ZNF610: variants seen among roughly 807,000 people sequenced by gnomAD.
The protein encoded by ZNF610 is zinc finger protein 610, also known as zink finger protein.
A neutral mutation model predicts 14.1 loss-of-function variants in ZNF610; 14 were observed. That is an observed-to-expected ratio of 0.99 (90% CI 0.65 to 1.55). The LOEUF (loss-of-function observed/expected upper bound fraction) is 1.55, where lower values mean the gene tolerates loss of function less well. ZNF610 is among the 40% of genes most tolerant of loss of function. The pLI, the probability that ZNF610 is intolerant of heterozygous loss-of-function variation, is 0.00. For missense variants in ZNF610, 530 were observed against 558.0 expected (o/e 0.95, Z 0.51); for synonymous variants, 185 against 187.6 (o/e 0.99, Z 0.11).
the ZNF610 span, among the ~76,000 whole-genome samples, chr19:52,330,941 T>C: frequency 6.6e-6 from 1 of 152,148 alleles, no homozygotes; most frequent in Non-Finnish European, 1.5e-5. Context: ...ACATGAATGA[T>C]TAAATAAATA....
chr19:52,336,932 A>G (rs548132868), intron 1 of ZNF610, among the ~76,000 whole-genome samples: 2 of 152,272 alleles, frequency 1.3e-5, no homozygotes, highest in South Asian at 2.1e-4. Context: ...TCCCCTGCCT[A>G]TGGATGTGTG....
intron 1 of ZNF610, chr19:52,345,417 T>G (rs1416209843): frequency 3.3e-5 from 5 of 152,202 alleles, no homozygotes; most frequent in African/African-American, 1.2e-4. Context: ...GAAACGAACC[T>G]AGATCGTTGC....
chr19:52,349,389 G>A (rs1022967703), intron 3 of ZNF610, among the ~76,000 whole-genome samples, 154 bp downstream of exon 3: 5 of 152,144 alleles, frequency 3.3e-5, no homozygotes, highest in Middle Eastern at 3.4e-3. Flanking sequence ...TGACATGAAT[G>A]TGGGAAGAGA....
chr19:52,342,963 T>G (rs960936765), intron 1 of ZNF610, among the ~76,000 whole-genome samples: 2 of 152,032 alleles, frequency 1.3e-5, no homozygotes, highest in African/African-American at 4.8e-5. Flanking sequence ...TCTTACAGCT[T>G]CAAACACCAC....
rs749762529 is a variant in ZNF610 at position 52,367,388 on chromosome 19, G to A, written c.*621G>A. The A allele has an allele frequency of 6.6e-6, 1 of 152,336 alleles. No individual in the cohort carries two copies. Among genetic ancestry groups the A allele is most frequent in the Non-Finnish European group, 1.5e-5 (1 of 68,138 alleles). 9.4% of individuals were successfully genotyped at this position (152,336 alleles called of 1,614,324 possible). On this transcript the variant is annotated 3_prime_UTR_variant, in exon 6 of 6. Transcript: ENST00000403906. ...GATCCACTGGCCTTGGCCTCCCAAA[G>A]TGCTGGGATTATAGGTGTGAGCCAC...
intron 1 of ZNF610, among the ~76,000 whole-genome samples, chr19:52,342,498 A>G (rs1600230175): frequency 2.0e-5 from 3 of 150,778 alleles, no homozygotes; most frequent in Non-Finnish European, 3.0e-5. Flanking sequence ...GAGATTCTTC[A>G]TAATTTAAAA....
chr19:52,336,328 A>T lies in ZNF610; in HGVS notation c.-436A>T, dbSNP rs1984375863. ...TGTTTAGATTCAATCTGGGCTTCCC[A>T]GCTCCCCCGCGCTTCTGTACCCGGG... On this transcript the variant is annotated 5_prime_UTR_variant, in exon 1 of 6. Coordinates refer to ENST00000403906, the MANE Select transcript of ZNF610 (RefSeq NM_001161425.2). 1 of 288,066 alleles carries T rather than the reference A, an allele frequency of 3.5e-6. No individual in the cohort carries two copies. The allele number at this position is 288,066 out of a possible 1,614,324, so 17.8% of individuals were successfully genotyped here.
intron 4 of ZNF610, 120 bp from the exon 5 acceptor site, chr19:52,354,131 T>C (rs1477103488): frequency 2.9e-6 from 4 of 1,377,830 alleles, no homozygotes; most frequent in Non-Finnish European, 4.0e-6. Context: ...AGCCAGTCTG[T>C]GGGTGAACTT....
intron 1 of ZNF610, among the ~76,000 whole-genome samples, chr19:52,338,991 A>G (rs1372248533): frequency 6.6e-6 from 1 of 151,708 alleles, no homozygotes; most frequent in African/African-American, 2.4e-5. Context: ...GGAGAGGGGG[A>G]TGTGGCAGGA....
In ZNF610 at chr19:52,362,857, C is replaced by T. The variant is rs2560879; in HGVS notation, c.320-2841C>T. ...CTGGAAACTGTTCCATGGGCACTTC[C>T]GAAAAATTTGTATTCTGCTGTTTTT... On this transcript the variant is annotated intron_variant, in intron 5 of 5. Coordinates refer to ENST00000403906, the MANE Select transcript of ZNF610 (RefSeq NM_001161425.2). Among the ~76,000 whole-genome samples, 657 of 152,140 alleles carry T rather than the reference C, an allele frequency of 4.3e-3. 10 individuals are homozygous for T. The East Asian group carries it at 0.067, about 16-fold the overall frequency.
intron 3 of ZNF610, among the ~76,000 whole-genome samples, chr19:52,352,249 T>G (rs1183241327): frequency 6.6e-6 from 1 of 152,114 alleles, no homozygotes; most frequent in Admixed American, 6.6e-5. Context: ...TTTTTTATTT[T>G]TTTTGAGATG....
intron 5 of ZNF610, among the ~76,000 whole-genome samples, chr19:52,361,279 A>T (rs1985762285): frequency 1.3e-5 from 2 of 149,746 alleles, no homozygotes; most frequent in African/African-American, 4.9e-5. Flanking sequence ...CCCAGGTTCC[A>T]GTGATTCTCC....
chr19:52,366,312 G>A lies in ZNF610; in HGVS notation c.934G>A (p.Gly312Arg), dbSNP rs1398579200. The part of the protein sequence containing the change: ...GLTTHLVIHT[G>R]EKPYKCNECG... The stretch of plus-strand genomic sequence containing the variant: ...TACTACCCATCTTGTAATCCATACT[G>A]GAGAGAAACCTTACAAATGTAATGA... Residue 312 changes from glycine to arginine, a missense_variant, in exon 6 of 6, where the codon GGA becomes AGA. By Grantham distance (125) the Gly-to-Arg change is moderately radical. Transcript: ENST00000403906. 1.9e-6 allele frequency: 3 copies of A among 1,613,910 alleles called. No individual in the cohort carries two copies.
chr19:52,353,753 G>A lies in ZNF610; in HGVS notation c.135G>A (p.Gln45=). 5.0e-6 allele frequency: 8 copies of A among 1,613,896 alleles called. No homozygotes were observed. Among genetic ancestry groups the A allele is most frequent in the Non-Finnish European group, 6.8e-6 (8 of 1,179,948 alleles). The change falls in exon 4 of 6, where the codon CAG becomes CAA. Residue 45 remains glutamine (Q), a synonymous_variant. Transcript: ENST00000403906. ...AGTGGAAATCCCTGGACCCTGGACA[G>A]AGGGCTTTATACAGGGACGTGATGT... ...QEEWKSLDPG[Q]RALYRDVMLE...
rs147926504 is a variant in ZNF610, at chr19:52,366,533, G to T, written c.1155G>T (p.Pro385=). ...GTGGAAGAGCATTTCACAAGCGTCC[G>T]GGCCTTATGGCCCATCTTCTAATCC... is the stretch of plus-strand genomic sequence containing the variant. ...NECGRAFHKR[P]GLMAHLLIHT... Residue 385 remains proline, a synonymous_variant, in exon 6 of 6, where the codon CCG becomes CCT. Coordinates refer to ENST00000403906, the MANE Select transcript of ZNF610 (RefSeq NM_001161425.2). 44 of 1,613,336 alleles carry T rather than the reference G, an allele frequency of 2.7e-5. 1 individual carries two copies. Among genetic ancestry groups the T allele is most frequent in the South Asian group, 2.0e-4 (18 of 91,026 alleles).
At chr19:52,348,954 G>A (rs548259971) in intron 2 of ZNF610, among the ~76,000 whole-genome samples, 200 bp from the exon 3 acceptor site, 2 of 152,254 alleles carry the variant, frequency 1.3e-5, no homozygotes, top group South Asian at 2.1e-4. Flanking sequence ...TTCTCCAGGA[G>A]GGGAGCGAGT....
intron 5 of ZNF610, among the ~76,000 whole-genome samples, chr19:52,354,580 ATTTTTTTTTTT>A (rs201439857): frequency 1.6e-5 from 2 of 123,588 alleles, no homozygotes; most frequent in Non-Finnish European, 3.4e-5. Context: ...AAGCCATACT[ATTTTTTTTTTT>A]TTTTTTTTTT....
chr19:52,333,595 C>G (rs112730361), upstream of ZNF610, among the ~76,000 whole-genome samples: 1 of 152,134 alleles, frequency 6.6e-6, no homozygotes, highest in African/African-American at 2.4e-5. Context: ...CTATCCCTGA[C>G]GTAGCTTTCC....
At chr19:52,336,143 A>T (rs7249361), upstream of ZNF610, 9,973 of 163,688 alleles carry the variant, frequency 0.061, 479 homozygotes, top group African/African-American at 0.13. Context: ...CCTCACTGCC[A>T]GCAAAACCCG....
Sources: gnomAD v4.1 joint callset for allele counts (sites outside exome capture counted in the v4.1 genomes callset) on GRCh38, gnomAD v4.1.1 for gene constraint, MANE v1.5 for transcripts, NCBI Gene and HGNC (gene_info 2026-07-23, HGNC 2026-07-21) for gene names.